Variants in COL4A4 observed in about 807,000 individuals in gnomAD.
COL4A4 encodes collagen alpha-4(IV) chain.
A neutral mutation model predicts 192.9 loss-of-function variants in COL4A4; 105 were observed. That is an observed-to-expected ratio of 0.54 (90% CI 0.46 to 0.64). The LOEUF is 0.64. Among genes scored for constraint, COL4A4 ranks in the 30% least tolerant of loss-of-function variants. COL4A4 has a pLI of 0.00. For missense variants in COL4A4, 1,967 were observed against 2,169.3 expected (o/e 0.91, Z 1.85); for synonymous variants, 762 against 769.9 (o/e 0.99, Z 0.17).
chr2:227,022,434 G>GCTCT, intron 43 of COL4A4: 1 of 687,542 alleles, frequency 1.5e-6, no homozygotes, highest in Non-Finnish European at 2.8e-6. Flanking sequence ...GAGTATCAGA[G>GCTCT]GATGCAGAAG....
chr2:227,091,366 A>C (rs977616352), intron 20 of COL4A4, among the ~76,000 whole-genome samples: 2 of 151,580 alleles, frequency 1.3e-5, no homozygotes, highest in Non-Finnish European at 2.9e-5. Context: ...AGTTCAGGAA[A>C]TCTCCCAGAA....
intron 4 of COL4A4, among the ~76,000 whole-genome samples, chr2:227,128,944 C>T (rs2062252404): frequency 6.6e-6 from 1 of 152,144 alleles, no homozygotes; most frequent in Non-Finnish European, 1.5e-5. Flanking sequence ...TCCACACCCC[C>T]ACCCTCTGCC....
intron 20 of COL4A4, among the ~76,000 whole-genome samples, chr2:227,091,666 G>C (rs751572071): frequency 2.6e-5 from 4 of 152,062 alleles, no homozygotes; most frequent in Non-Finnish European, 4.4e-5. Flanking sequence ...GGCCAAAGGG[G>C]GCAGATCACC....
At chr2:227,092,223 C>T (rs1327309201) in intron 20 of COL4A4, among the ~76,000 whole-genome samples, 1 of 152,172 alleles carries the variant, frequency 6.6e-6, no homozygotes, top group Non-Finnish European at 1.5e-5. Flanking sequence ...GATTTCCTAA[C>T]TAAAATTTTA....
intron 8 of COL4A4, among the ~76,000 whole-genome samples, chr2:227,113,959 C>T (rs2061355107): frequency 6.6e-6 from 1 of 152,214 alleles, no homozygotes; most frequent in Non-Finnish European, 1.5e-5. Flanking sequence ...CCCCATCACT[C>T]ATCCATGGCT....
At chr2:227,108,738 C>T in intron 11 of COL4A4, 95 bp downstream of exon 11, 1 of 1,526,592 alleles carries the variant, frequency 6.6e-7, no homozygotes, top group Non-Finnish European at 9.1e-7. Context: ...TTTGGGAAGT[C>T]TGATAAGAGG....
At chr2:227,058,746 G>A (rs766400074) in intron 28 of COL4A4, among the ~76,000 whole-genome samples, 8 of 152,136 alleles carry the variant, frequency 5.3e-5, no homozygotes, top group Admixed American at 6.5e-5. Context: ...CCTCAGACTG[G>A]GGTCCTGAAG....
chr2:227,142,356 C>T (rs1036303518), intron 3 of COL4A4, among the ~76,000 whole-genome samples: 1 of 152,158 alleles, frequency 6.6e-6, no homozygotes, highest in African/African-American at 2.4e-5. Context: ...ACTGGGAATA[C>T]ATTCACGCTC....
At chr2:227,017,237 G>GT (rs1965082470) in intron 44 of COL4A4, among the ~76,000 whole-genome samples, 1 of 152,172 alleles carries the variant, frequency 6.6e-6, no homozygotes, top group South Asian at 2.1e-4. Context: ...CACACCAGAC[G>GT]TTATCACGTG....
the COL4A4 span, among the ~76,000 whole-genome samples, chr2:226,977,078 G>T: frequency 6.6e-6 from 1 of 152,174 alleles, no homozygotes; most frequent in Non-Finnish European, 1.5e-5. Flanking sequence ...CTGCTCTCAT[G>T]AATGCCTGTC....
chr2:227,034,711 C>T (rs992695192), intron 37 of COL4A4, among the ~76,000 whole-genome samples: 7 of 132,556 alleles, frequency 5.3e-5, no homozygotes, highest in African/African-American at 2.0e-4. Flanking sequence ...TGCTATCCCT[C>T]CTCCCTCCCC....
intron 24 of COL4A4, among the ~76,000 whole-genome samples, chr2:227,080,218 G>C (rs1003467833): frequency 6.6e-6 from 1 of 152,174 alleles, no homozygotes; most frequent in Non-Finnish European, 1.5e-5. Flanking sequence ...AGGACCGAAA[G>C]TCCTGCTAGG....
chr2:227,125,070 C>A (rs886314234), intron 4 of COL4A4, among the ~76,000 whole-genome samples: 1 of 152,004 alleles, frequency 6.6e-6, no homozygotes, highest in Non-Finnish European at 1.5e-5. Flanking sequence ...AATACCAAAT[C>A]CAGTGAGCTA....
Position 227,007,214 on chromosome 2 carries a change from C to T in COL4A4, c.*111G>A. The T allele has an allele frequency of 7.0e-7, 1 of 1,436,208 alleles. No individual in the cohort carries two copies. The highest frequency in any genetic ancestry group is 1.2e-5 in the South Asian group (1 of 86,742). 89.0% of individuals were successfully genotyped at this position (1,436,208 alleles called of 1,614,324 possible). On this transcript the variant is annotated 3_prime_UTR_variant, in exon 48 of 48. Coordinates refer to ENST00000396625, the MANE Select transcript of COL4A4 (RefSeq NM_000092.5). ...AATAACCACGACAAAACAGAAGGAA[C>T]CACTGAAAGGGAGTCCAAAATGAGC...
intron 36 of COL4A4, 67 bp downstream of exon 36, chr2:227,043,010 G>T: frequency 8.7e-7 from 1 of 1,145,722 alleles, no homozygotes; most frequent in Non-Finnish European, 1.3e-6. Context: ...ATTAAAGACT[G>T]GTGGTTTCTG....
chr2:227,059,696 T>C, intron 27 of COL4A4, 73 bp from the exon 28 acceptor site: 3 of 1,118,466 alleles, frequency 2.7e-6, no homozygotes, highest in Non-Finnish European at 4.1e-6. Flanking sequence ...AAGACTTACT[T>C]TGATAAAAAT....
In COL4A4 at chr2:227,045,834, A is replaced by ATT. The variant is rs1261627893; in HGVS notation, c.3289+1640_3289+1641insAA. The stretch of plus-strand genomic sequence containing the variant: ...TATATATACACATATATATATATAC[A>ATT]CACATATATATATACACATATATAT... On this transcript the variant is annotated intron_variant, in intron 35 of 47. Transcript: ENST00000396625. 2.0e-3 allele frequency among the ~76,000 whole-genome samples: 133 copies of ATT among 66,966 alleles called. 34 individuals are homozygous for ATT. Among genetic ancestry groups the ATT allele is most frequent in the African/African-American group, 8.5e-3 (90 of 10,556 alleles). 43.9% of individuals were successfully genotyped at this position (66,966 alleles called of 152,430 possible).
chr2:227,068,033 G>T (rs1402906773), intron 25 of COL4A4, among the ~76,000 whole-genome samples: 4 of 145,216 alleles, frequency 2.8e-5, no homozygotes, highest in African/African-American at 1.0e-4. Flanking sequence ...TGATAAAGGG[G>T]ATATCACCAC....
Position 227,051,057 on chromosome 2 carries a change from C to CG in COL4A4, c.3069_3070insC (p.Gly1024ArgfsTer26). Reference sequence around the variant, plus strand: ...GGAGGGCCTGGGGGTCCAGGAGGCCCTGGCTGACCTTTCTCACCAGGTTCC... The same window carrying CG: ...GGAGGGCCTGGGGGTCCAGGAGGCCCGTGGCTGACCTTTCTCACCAGGTTCC... On this transcript the variant is annotated frameshift_variant, in exon 33 of 48. Transcript: ENST00000396625. LOFTEE classifies it high-confidence loss of function. The CG allele has an allele frequency of 6.2e-7, 1 of 1,614,192 alleles. No homozygotes were observed. Among genetic ancestry groups the CG allele is most frequent in the Non-Finnish European group, 8.5e-7 (1 of 1,180,046 alleles).
Sources: allele counts gnomAD v4.1 joint callset (sites outside exome capture counted in the v4.1 genomes callset), GRCh38; gene constraint gnomAD v4.1.1; transcripts MANE v1.5; gene names NCBI Gene and HGNC (gene_info 2026-07-23, HGNC 2026-07-21).